DNAAF5: variants seen among roughly 807,000 people sequenced by gnomAD.
DNAAF5 encodes HEAT repeat containing 2.
In DNAAF5, 64 loss-of-function variants were observed where a neutral mutation model predicts 75.8. The observed-to-expected ratio is 0.84, with a 90% CI of 0.69 to 1.04. The LOEUF is 1.04. DNAAF5 is among the 50% of genes least tolerant of loss of function. DNAAF5 has a pLI of 0.00. For synonymous variants in DNAAF5, 657 were observed against 557.2 expected (o/e 1.18, Z -2.52); for missense variants, 1,269 against 1,178.5 (o/e 1.08, Z -1.12).
chr7:755,669 C>G (rs531476249), intron 5 of DNAAF5, among the ~76,000 whole-genome samples: 1 of 152,060 alleles, frequency 6.6e-6, no homozygotes, highest in South Asian at 2.1e-4. Flanking sequence ...AGTTTGAGGC[C>G]TCAGTGAGCT....
intron 2 of DNAAF5, 96 bp downstream of exon 2, chr7:729,943 T>A: frequency 8.4e-7 from 1 of 1,189,426 alleles, no homozygotes; most frequent in Non-Finnish European, 1.2e-6. Flanking sequence ...TTTTTCAGAG[T>A]GCTGTATGCA....
intron 4 of DNAAF5, among the ~76,000 whole-genome samples, chr7:751,799 C>G (rs2128077115): frequency 6.6e-6 from 1 of 152,174 alleles, no homozygotes; most frequent in South Asian, 2.1e-4. Flanking sequence ...GTCTTGAACT[C>G]CTGACCTCAG....
chr7:762,001 C>CCCCAGGCCTCAAACATGTCTGA, intron 7 of DNAAF5, 105 bp downstream of exon 7: 3 of 59,318 alleles, frequency 5.1e-5, no homozygotes, highest in Non-Finnish European at 7.6e-5. Context: ...CTGTGCTTGA[C>CCCCAGGCCTCAAACATGTCTGA]CAGCAAAGAC....
intron 2 of DNAAF5, among the ~76,000 whole-genome samples, chr7:731,794 C>T (rs143570310): frequency 1.6e-3 from 243 of 152,216 alleles, no homozygotes; most frequent in African/African-American, 5.8e-3. Context: ...GGTTTGCGTC[C>T]TATTAGAGAC....
chr7:727,205 C>G lies in DNAAF5; in HGVS notation c.485C>G (p.Pro162Arg). Reference protein sequence around the residue: ...AVDLCGAALAPHLDDALRALR... With the variant: ...AVDLCGAALARHLDDALRALR... ...GACCTGTGCGGCGCCGCGCTCGCGC[C>G]CCACCTGGACGACGCTCTGCGCGCG... The change falls in exon 1 of 13, where the codon CCC becomes CGC. Residue 162 changes from proline (P) to arginine (R), a missense_variant. By Grantham distance (103) the Pro-to-Arg change is moderately radical (BLOSUM62 -2). Coordinates refer to ENST00000297440, the MANE Select transcript of DNAAF5 (RefSeq NM_017802.4). 7.4e-7 allele frequency: 1 copy of G among 1,348,582 alleles called. No homozygotes were observed. The highest frequency in any genetic ancestry group is 9.5e-7 in the Non-Finnish European group (1 of 1,048,252). The allele number at this position is 1,348,582 out of a possible 1,614,324, so 83.5% of individuals were successfully genotyped here.
chr7:733,001 G>C (rs1472487238), intron 2 of DNAAF5, among the ~76,000 whole-genome samples: 1 of 152,146 alleles, frequency 6.6e-6, no homozygotes, highest in Non-Finnish European at 1.5e-5. Flanking sequence ...TGCATATGGA[G>C]TTCCAGTTTT....
intron 12 of DNAAF5, among the ~76,000 whole-genome samples, chr7:781,896 T>C (rs1001820472): frequency 6.6e-6 from 1 of 152,246 alleles, no homozygotes; most frequent in Non-Finnish European, 1.5e-5. Flanking sequence ...TTAATCCTTG[T>C]CAGGCGGCGG....
chr7:738,791 T>G (rs1260748724), intron 2 of DNAAF5, among the ~76,000 whole-genome samples: 2 of 152,184 alleles, frequency 1.3e-5, no homozygotes, highest in East Asian at 3.8e-4. Flanking sequence ...TAGCTGTCCT[T>G]GCTATCAGGT....
chr7:743,471 C>G (rs2128073843), intron 4 of DNAAF5, among the ~76,000 whole-genome samples: 1 of 152,136 alleles, frequency 6.6e-6, no homozygotes, highest in African/African-American at 2.4e-5. Flanking sequence ...TCCTCCCGAG[C>G]CTGTGAATCA....
In DNAAF5 at chr7:770,566, T is replaced by A; in HGVS notation, c.1879T>A (p.Ser627Thr). 6.2e-7 allele frequency: 1 copy of A among 1,613,936 alleles called. No homozygotes were observed. Among genetic ancestry groups the A allele is most frequent in the Non-Finnish European group, 8.5e-7 (1 of 1,179,992 alleles). The change falls in exon 9 of 13, where the codon TCC (serine) becomes ACC (threonine). Residue 627 changes from serine to threonine, a missense_variant. Transcript: ENST00000297440. ...QDPQMRLKLF[S>T]ILSTVLLRAT... ...CCCGCAGATGCGCCTGAAGCTGTTC[T>A]CCATCCTGTCCACCGTGCTGCTCAG...
At chr7:735,429 G>A (rs565598437) in intron 2 of DNAAF5, among the ~76,000 whole-genome samples, 26 of 151,570 alleles carry the variant, frequency 1.7e-4, no homozygotes, top group Non-Finnish European at 3.1e-4. Context: ...TTACAACGTC[G>A]CTGCTCACGG....
chr7:780,082 T>C lies in DNAAF5; in HGVS notation c.2369T>C (p.Leu790Pro). 6.2e-7 allele frequency: 1 copy of C among 1,614,236 alleles called. No homozygotes were observed. The highest frequency in any genetic ancestry group is 8.5e-7 in the Non-Finnish European group (1 of 1,180,032). ...TACTATCAGAGCAGTGTCCAGTACC[T>C]GTACCGAGAGTTGCTGGTTCACCTT... Reference protein sequence around the residue: ...KSYYQSSVQYLYRELLVHLDD... With the variant: ...KSYYQSSVQYPYRELLVHLDD... The change falls in exon 12 of 13, where the codon CTG becomes CCG. Residue 790 changes from leucine (L) to proline (P), a missense_variant. By Grantham distance (98) the Leu-to-Pro change is moderately conservative (BLOSUM62 -3). Coordinates refer to ENST00000297440, the MANE Select transcript of DNAAF5 (RefSeq NM_017802.4).
At chr7:762,643 TC>T (rs1562391477) in intron 7 of DNAAF5, among the ~76,000 whole-genome samples, 1 of 151,466 alleles carries the variant, frequency 6.6e-6, no homozygotes, top group East Asian at 2.0e-4. Context: ...CAGTGGAGTC[TC>T]GCTCTGTCAC....
At chr7:770,445 A>C in intron 8 of DNAAF5, 26 bp from the exon 9 acceptor site, 1 of 1,607,298 alleles carries the variant, frequency 6.2e-7, no homozygotes, top group East Asian at 2.2e-5. Context: ...AGGGCCGTGC[A>C]CAGGAGCCTC....
intron 8 of DNAAF5, among the ~76,000 whole-genome samples, chr7:765,474 A>G (rs1782791345): frequency 6.6e-6 from 1 of 152,166 alleles, no homozygotes; most frequent in African/African-American, 2.4e-5. Flanking sequence ...AAACCCCGAG[A>G]GACGTGGCTT....
At chr7:768,856 C>T (rs1778451244) in intron 8 of DNAAF5, 1 of 393,790 alleles carries the variant, frequency 2.5e-6, no homozygotes, top group South Asian at 6.0e-5. Flanking sequence ...GTCTTGTTTC[C>T]AGTTTAAGAT....
At chr7:753,935 T>C (rs1348466914) in intron 4 of DNAAF5, among the ~76,000 whole-genome samples, 1 of 146,778 alleles carries the variant, frequency 6.8e-6, no homozygotes, top group Non-Finnish European at 1.5e-5. Flanking sequence ...TCTCTGATCA[T>C]ATGGGGACGG....
intron 12 of DNAAF5, among the ~76,000 whole-genome samples, chr7:781,492 C>G (rs1168634092): frequency 6.6e-6 from 1 of 152,226 alleles, no homozygotes; most frequent in Non-Finnish European, 1.5e-5. Context: ...GCGCGTGCAG[C>G]TCTCCCCCAT....
chr7:754,251 C>T lies in DNAAF5; in HGVS notation c.1025-338C>T, dbSNP rs1319822531. 4.6e-5 allele frequency among the ~76,000 whole-genome samples: 7 copies of T among 152,138 alleles called. No homozygotes were observed. Among genetic ancestry groups the T allele is most frequent in the South Asian group, 2.1e-4 (1 of 4,828 alleles). On this transcript the variant is annotated intron_variant, in intron 4 of 12. Coordinates refer to ENST00000297440, the MANE Select transcript of DNAAF5 (RefSeq NM_017802.4). The surrounding 1 kb of genome is among the most constrained non-coding windows in gnomAD (Gnocchi z 4.8). ...GCAATCCTCCCACCTCAGACTCCTG[C>T]GTAGCTGGGACCACAGGCATGCACC...
Sources: allele counts gnomAD v4.1 joint callset (sites outside exome capture counted in the v4.1 genomes callset), GRCh38; gene constraint gnomAD v4.1.1; non-coding constraint Gnocchi (gnomAD v3.1); transcripts MANE v1.5; gene names NCBI Gene and HGNC (gene_info 2026-07-23, HGNC 2026-07-21).